PCDHA1: variants seen among roughly 807,000 people sequenced by gnomAD.
The protein encoded by PCDHA1 is protocadherin alpha 1.
Under a neutral mutation model 61.3 loss-of-function variants are expected in PCDHA1, and 42 were observed. The observed-to-expected ratio is 0.69, with a 90% CI of 0.54 to 0.89. PCDHA1 has a LOEUF of 0.89. PCDHA1 is among the 40% of genes least tolerant of loss of function. The pLI is 0.00. For missense variants in PCDHA1, 1,256 were observed against 1,235.3 expected, an observed-to-expected ratio of 1.02 and a Z score of -0.25; for synonymous variants, 610 against 553.8, an observed-to-expected ratio of 1.10 and a Z score of -1.43.
intron 1 of PCDHA1, chr5:140,803,924 A>G (rs1554122994): frequency 2.1e-6 from 1 of 478,316 alleles, no homozygotes; most frequent in Non-Finnish European, 3.7e-6. Flanking sequence ...GACTTGTTTT[A>G]TACTTATCCC....
chr5:140,857,695 G>T (rs2044799008), intron 1 of PCDHA1: 1 of 1,597,116 alleles, frequency 6.3e-7, no homozygotes, highest in South Asian at 1.1e-5. Context: ...GCAACTTGAC[G>T]CTGCAGGTGT....
chr5:140,992,017 C>CTG (rs10602499), intron 3 of PCDHA1, among the ~76,000 whole-genome samples: 19,643 of 145,468 alleles, frequency 0.14, 1,328 homozygotes, highest in East Asian at 0.18. Flanking sequence ...AGAGGTGGCT[C>CTG]TGTGTGTGTG....
rs1254139233 is a variant in PCDHA1 at position 140,846,802 on chromosome 5, C to T, written c.2394+58118C>T. On this transcript the variant is annotated intron_variant, in intron 1 of 3. Transcript: ENST00000504120. Reference sequence around the variant, plus strand: ...ATTATTACTGAGCCCCAGCCCCTGGCTTTAAAATTTGAGGTCAAATAAAGA... The same window carrying T: ...ATTATTACTGAGCCCCAGCCCCTGGTTTTAAAATTTGAGGTCAAATAAAGA... Among the ~76,000 whole-genome samples the T allele has an allele frequency of 4.7e-5, 7 of 149,432 alleles. 1 individual carries two copies. The highest frequency in any genetic ancestry group is 1.7e-4 in the African/African-American group (7 of 40,714).
At chr5:140,850,114 C>A (rs2150468329) in intron 1 of PCDHA1, 7 of 1,595,992 alleles carry the variant, frequency 4.4e-6, no homozygotes, top group Non-Finnish European at 5.1e-6. Flanking sequence ...GCGCGCGACG[C>A]GGGCGTGCCG....
intron 1 of PCDHA1, chr5:140,822,951 T>C: frequency 6.2e-7 from 1 of 1,614,176 alleles, no homozygotes; most frequent in African/African-American, 1.3e-5. Context: ...TGCCCCACGT[T>C]CCCTTCAAGC....
intron 1 of PCDHA1, among the ~76,000 whole-genome samples, chr5:140,800,378 C>T (rs557163392): frequency 1.3e-5 from 2 of 152,190 alleles, no homozygotes; most frequent in South Asian, 2.1e-4. Flanking sequence ...GAATTACAGA[C>T]ATTCTACAAA....
intron 1 of PCDHA1, chr5:140,841,663 G>A: frequency 2.5e-6 from 4 of 1,614,102 alleles, no homozygotes; most frequent in Non-Finnish European, 3.4e-6. Flanking sequence ...ACAGGCCGCT[G>A]CAGGTTTTCC....
At chr5:140,801,224 T>C in intron 1 of PCDHA1, 1 of 1,610,994 alleles carries the variant, frequency 6.2e-7, no homozygotes, top group Non-Finnish European at 8.5e-7. Flanking sequence ...GAGAAGATCC[T>C]GGAGCCCAGT....
intron 1 of PCDHA1, chr5:140,834,264 C>T (rs1772874708): frequency 9.9e-7 from 1 of 1,010,524 alleles, no homozygotes; most frequent in Non-Finnish European, 1.5e-6. Context: ...GCTCCACTCT[C>T]TTTCACTCTT....
intron 1 of PCDHA1, among the ~76,000 whole-genome samples, chr5:140,888,214 G>GTGTGTGTGCA (rs1387597541): frequency 6.6e-6 from 1 of 152,130 alleles, no homozygotes; most frequent in Admixed American, 6.5e-5. Context: ...TGGATTTTGT[G>GTGTGTGTGCA]TGTGTGTGCA....
chr5:140,836,612 C>T (rs2150265551), intron 1 of PCDHA1: 9 of 1,613,516 alleles, frequency 5.6e-6, no homozygotes, highest in East Asian at 2.2e-5. Flanking sequence ...TGTGCTCCAG[C>T]GCGGTGGGGA....
At chr5:140,909,170 G>A (rs1381735874) in intron 1 of PCDHA1, among the ~76,000 whole-genome samples, 1 of 152,188 alleles carries the variant, frequency 6.6e-6, no homozygotes, top group Non-Finnish European at 1.5e-5. Flanking sequence ...AATCAATCAA[G>A]TTCTCTCCAA....
At chr5:140,824,171 C>G in intron 1 of PCDHA1, 1 of 1,610,416 alleles carries the variant, frequency 6.2e-7, no homozygotes, top group Non-Finnish European at 8.5e-7. Context: ...TCCCAATTTT[C>G]AAATATTAAA....
At chr5:140,822,147 C>T in intron 1 of PCDHA1, 1 of 1,614,252 alleles carries the variant, frequency 6.2e-7, no homozygotes, top group Non-Finnish European at 8.5e-7. Flanking sequence ...CAGTGAAGGA[C>T]ATCAATGACA....
chr5:140,789,791 G>A (rs1761553555), intron 1 of PCDHA1, among the ~76,000 whole-genome samples: 1 of 152,164 alleles, frequency 6.6e-6, no homozygotes, highest in Admixed American at 6.5e-5. Context: ...GTGGATAAAG[G>A]TGCTGAGGCT....
intron 1 of PCDHA1, chr5:140,852,854 AT>A: frequency 1.0e-6 from 1 of 963,700 alleles, no homozygotes; most frequent in Non-Finnish European, 1.3e-6. Context: ...CTTACTAAGC[AT>A]TTACTATGTC....
chr5:140,836,492 C>T lies in PCDHA1; in HGVS notation c.2394+47808C>T, dbSNP rs2150262015. On this transcript the variant is annotated intron_variant, in intron 1 of 3. Coordinates refer to ENST00000504120, the MANE Select transcript of PCDHA1 (RefSeq NM_018900.4). ...ATGTCAACGTGTACCTGATCATCGC[C>T]ATCTGCGCGGTGTCCAGTCTGTTGG... 13 of 1,613,758 alleles carry T rather than the reference C, an allele frequency of 8.1e-6. No individual in the cohort carries two copies. The South Asian group carries it at 8.8e-5, about 11-fold the overall frequency.
At chr5:140,866,566 A>C (rs1554160398) in intron 1 of PCDHA1, 1 of 152,154 alleles carries the variant, frequency 6.6e-6, no homozygotes, top group Non-Finnish European at 1.5e-5. Context: ...TAATTTTGTT[A>C]ATACAGTGGT....
At chr5:140,832,358 T>G (rs1293168381) in intron 1 of PCDHA1, among the ~76,000 whole-genome samples, 1 of 152,342 alleles carries the variant, frequency 6.6e-6, no homozygotes, top group South Asian at 2.1e-4. Flanking sequence ...TTTCCTAATG[T>G]GAGCATTTTC....
Sources: allele counts gnomAD v4.1 joint callset (sites outside exome capture counted in the v4.1 genomes callset), GRCh38; gene constraint gnomAD v4.1.1; transcripts MANE v1.5; gene names NCBI Gene and HGNC (gene_info 2026-07-23, HGNC 2026-07-21).